The following AP2B1 variants were observed in gnomAD, a reference collection of about 807,000 sequenced individuals.
The protein encoded by AP2B1 is adaptor related protein complex 2 subunit beta 1.
In AP2B1, 23 loss-of-function variants were observed where a neutral mutation model predicts 102.0. The ratio of observed to expected loss-of-function variants is 0.23; its 90% confidence interval spans 0.16 to 0.32. The LOEUF is 0.32. Ranked by LOEUF, AP2B1 falls within the 10% of genes least tolerant of loss-of-function variation. The pLI is 1.00. For missense variants in AP2B1, 541 were observed against 1,157.4 expected, an observed-to-expected ratio of 0.47 and a Z score of 7.73; for synonymous variants, 381 against 421.2, an observed-to-expected ratio of 0.90 and a Z score of 1.17.
At chr17:35,594,184 A>C in intron 2 of AP2B1, 117 bp downstream of exon 2, 1 of 605,710 alleles carries the variant, frequency 1.7e-6, no homozygotes. Flanking sequence ...TGACAATCTC[A>C]CTGGACATCT....
At chr17:35,627,347 G>A (rs761016267) in intron 7 of AP2B1, 38 bp from the exon 8 acceptor site, 13 of 1,460,244 alleles carry the variant, frequency 8.9e-6, no homozygotes, top group Middle Eastern at 2.6e-4. Context: ...ATCAGTATAT[G>A]CCTTCACCTT....
At chr17:35,616,023 A>G (rs2074000090) in intron 5 of AP2B1, among the ~76,000 whole-genome samples, 1 of 151,864 alleles carries the variant, frequency 6.6e-6, no homozygotes, top group South Asian at 2.1e-4. Flanking sequence ...GAGAAAGCAA[A>G]CACTTTTTGT....
intron 18 of AP2B1, among the ~76,000 whole-genome samples, chr17:35,690,494 A>G (rs2076019640): frequency 6.6e-6 from 1 of 152,182 alleles, no homozygotes; most frequent in Admixed American, 6.5e-5. Context: ...TCTAAGTGCC[A>G]TCTATTTTAT....
chr17:35,696,533 G>A (rs1277536418), intron 18 of AP2B1, among the ~76,000 whole-genome samples: 6 of 150,922 alleles, frequency 4.0e-5, no homozygotes, highest in Non-Finnish European at 8.8e-5. Flanking sequence ...GATTACGGGT[G>A]CCCGCCACCA....
Position 35,635,481 on chromosome 17 carries a change from T to A in AP2B1, c.1156-860T>A, listed in dbSNP as rs564718718. ...CTAACTACAACCTCTGCCTCCTGGA[T>A]TCAAGCAATTCTCTGCGTCAGCCTC... On this transcript the variant is annotated intron_variant, in intron 9 of 21. Transcript: ENST00000610402. Among the ~76,000 whole-genome samples, 96 of 152,298 alleles carry A rather than the reference T, an allele frequency of 6.3e-4. 1 individual carries two copies. In the South Asian group the frequency reaches 0.02, roughly 31 times the overall value.
At chr17:35,709,841 A>C (rs948510269) in intron 19 of AP2B1, among the ~76,000 whole-genome samples, 20 of 152,202 alleles carry the variant, frequency 1.3e-4, no homozygotes, top group African/African-American at 4.3e-4. Flanking sequence ...TCACAATCTA[A>C]TAAAACTGGC....
intron 17 of AP2B1, among the ~76,000 whole-genome samples, chr17:35,677,825 TTAAG>T (rs1195382718): frequency 2.0e-5 from 3 of 151,892 alleles, no homozygotes; most frequent in Non-Finnish European, 4.4e-5. Context: ...TTTGTCAGAT[TTAAG>T]TATTTCAAAT....
chr17:35,686,678 A>C (rs908457681), intron 18 of AP2B1, among the ~76,000 whole-genome samples: 5 of 152,154 alleles, frequency 3.3e-5, no homozygotes, highest in African/African-American at 1.2e-4. Flanking sequence ...TATTTAAGAA[A>C]AACTGGCCGG....
intron 18 of AP2B1, 30 bp from the exon 19 acceptor site, chr17:35,709,194 C>G: frequency 6.2e-7 from 1 of 1,603,810 alleles, no homozygotes; most frequent in Non-Finnish European, 8.5e-7. Context: ...CCTGCGATGT[C>G]CTCATTTGAC....
chr17:35,667,274 C>T (rs1397375407), intron 14 of AP2B1, among the ~76,000 whole-genome samples: 3 of 152,140 alleles, frequency 2.0e-5, no homozygotes, highest in East Asian at 1.9e-4. Flanking sequence ...CTGAATAGTC[C>T]GCATAAGCTG....
At chr17:35,685,982 C>G (rs769733644) in intron 18 of AP2B1, among the ~76,000 whole-genome samples, 2 of 152,126 alleles carry the variant, frequency 1.3e-5, no homozygotes, top group East Asian at 3.9e-4. Context: ...ACGCTGGTTT[C>G]GAACTCCTGA....
chr17:35,722,790 T>G (rs1421242120), intron 21 of AP2B1, among the ~76,000 whole-genome samples: 2 of 152,258 alleles, frequency 1.3e-5, no homozygotes, highest in Non-Finnish European at 2.9e-5. Context: ...GAGTGCGTTT[T>G]GCATGCTTAT....
Position 35,624,515 on chromosome 17 carries a change from C to G in AP2B1, c.644C>G (p.Thr215Ser). The G allele has an allele frequency of 6.2e-7, 1 of 1,614,158 alleles. No homozygotes were observed. The highest frequency in any genetic ancestry group is 8.5e-7 in the Non-Finnish European group (1 of 1,179,998). The change falls in exon 6 of 22, where the codon ACT becomes AGT. Residue 215 changes from threonine to serine, a missense_variant. Physicochemically the swap from Thr to Ser is moderately conservative, Grantham distance 58. This residue lies in a region of AP2B1 where 134 missense variants were observed against 250.2 expected (regional missense o/e 0.54). Transcript: ENST00000610402. ...NKLLTALNEC[T>S]EWGQIFILDC... ...CTGCTGACAGCCCTGAATGAATGCA[C>G]TGAATGGGGCCAGATTTTCATCCTG...
chr17:35,651,714 GA>G (rs11389910), intron 13 of AP2B1, among the ~76,000 whole-genome samples: 44 of 147,734 alleles, frequency 3.0e-4, no homozygotes, highest in African/African-American at 8.6e-4. Context: ...ACAGATAAAG[GA>G]AAAAAAAAAC....
intron 2 of AP2B1, among the ~76,000 whole-genome samples, chr17:35,595,486 G>A (rs2073238613): frequency 6.6e-6 from 1 of 152,140 alleles, no homozygotes; most frequent in South Asian, 2.1e-4. Context: ...GGTTGAGGCT[G>A]CAGTGAGTCG....
At chr17:35,706,328 T>G (rs2076340006) in intron 18 of AP2B1, among the ~76,000 whole-genome samples, 1 of 152,206 alleles carries the variant, frequency 6.6e-6, no homozygotes, top group African/African-American at 2.4e-5. Flanking sequence ...AACAAGATGT[T>G]TACAAACCCA....
intron 5 of AP2B1, among the ~76,000 whole-genome samples, chr17:35,615,271 C>T (rs1298526572): frequency 6.6e-6 from 1 of 152,014 alleles, no homozygotes; most frequent in Admixed American, 6.6e-5. Context: ...GGTAATAATG[C>T]CGATTTTAGT....
At chr17:35,628,921 T>A (rs1271160301) in intron 9 of AP2B1, among the ~76,000 whole-genome samples, 1 of 152,174 alleles carries the variant, frequency 6.6e-6, no homozygotes, top group Non-Finnish European at 1.5e-5. Context: ...ATTTTCTTTC[T>A]TATAGCATCT....
chr17:35,598,205 A>G (rs748057482), intron 2 of AP2B1, 25 bp from the exon 3 acceptor site: 12 of 1,499,944 alleles, frequency 8.0e-6, no homozygotes, highest in African/African-American at 2.8e-5. Flanking sequence ...CTGGAACCTT[A>G]CCAGTTTGCT....
Sources: gnomAD v4.1 joint callset for allele counts (sites outside exome capture counted in the v4.1 genomes callset) on GRCh38, gnomAD v4.1.1 for gene constraint, gnomAD v4.1.1 regional missense constraint, MANE v1.5 for transcripts, NCBI Gene and HGNC (gene_info 2026-07-23, HGNC 2026-07-21) for gene names.